Variants in GRM8 observed in about 807,000 individuals in gnomAD.
The protein encoded by GRM8 is metabotropic glutamate receptor 8.
In GRM8, 47 loss-of-function variants were observed where a neutral mutation model predicts 87.2. The observed-to-expected ratio is 0.54, with a 90% CI of 0.43 to 0.69. The LOEUF is 0.69. GRM8 is among the 30% of genes least tolerant of loss of function. The probability of loss-of-function intolerance (pLI) is 0.00; values close to 1 mark genes in which losing one functional copy is unlikely to be tolerated. For synonymous variants in GRM8, 396 were observed against 404.5 expected (o/e 0.98, Z 0.25); for missense variants, 1,019 against 1,139.2 (o/e 0.89, Z 1.52).
Position 126,627,187 on chromosome 7 carries a change from G to C in GRM8, c.1358-17689C>G, listed in dbSNP as rs549404792. Among the ~76,000 whole-genome samples, 283 of 152,144 alleles carry C rather than the reference G, an allele frequency of 1.9e-3. 1 individual carries two copies. The highest frequency in any genetic ancestry group is 6.4e-3 in the African/African-American group (267 of 41,500). On this transcript the variant is annotated intron_variant, in intron 7 of 10. Transcript: ENST00000339582. ...ATACAAAATGCAGCTAACTTTTTCT[G>C]TATCAGTCTTATAGCTAGCTCAGTG...
At chr7:126,950,581 T>C (rs963650195) in intron 3 of GRM8, among the ~76,000 whole-genome samples, 3 of 152,078 alleles carry the variant, frequency 2.0e-5, no homozygotes, top group African/African-American at 7.2e-5. Flanking sequence ...AACCAAAGCA[T>C]CAAAAACTTC....
intron 6 of GRM8, among the ~76,000 whole-genome samples, chr7:126,781,251 A>G (rs1379325100): frequency 6.6e-6 from 1 of 152,180 alleles, no homozygotes; most frequent in Non-Finnish European, 1.5e-5. Flanking sequence ...TGCACCTCCT[A>G]AAAATTGTAT....
chr7:127,153,053 A>G (rs1203726841), intron 2 of GRM8, among the ~76,000 whole-genome samples: 2 of 152,134 alleles, frequency 1.3e-5, no homozygotes, highest in Non-Finnish European at 2.9e-5. Context: ...TAGTCACAAG[A>G]CCATAACCCA....
intron 3 of GRM8, among the ~76,000 whole-genome samples, chr7:126,957,951 A>G (rs966048309): frequency 1.3e-5 from 2 of 152,138 alleles, no homozygotes; most frequent in African/African-American, 4.8e-5. Context: ...CCATGGACCA[A>G]CCAGCACACA....
chr7:127,055,435 G>T (rs1458734412), intron 3 of GRM8, among the ~76,000 whole-genome samples: 2 of 152,124 alleles, frequency 1.3e-5, no homozygotes, highest in African/African-American at 2.4e-5. Context: ...TGGGTAGAGG[G>T]ACAAAAGGCT....
At position 126,438,707 on chromosome 7, in the gene GRM8, C is replaced by T. The variant is rs1801119765; in HGVS notation, c.*412G>A. 1 of 158,890 alleles carries T rather than the reference C, an allele frequency of 6.3e-6. No homozygotes were observed. Among genetic ancestry groups the T allele is most frequent in the Non-Finnish European group, 1.4e-5 (1 of 72,256 alleles). The allele number at this position is 158,890 out of a possible 1,614,324, so 9.8% of individuals were successfully genotyped here. A position where few individuals can be genotyped will look rare whatever the true frequency, so the allele number is the denominator to read the frequency against. On this transcript the variant is annotated 3_prime_UTR_variant, in exon 11 of 11. Transcript: ENST00000339582. ...GCACAACCCAGGGCTTCAATCTGGTCAGCCATTACAAGAAACAGACTCATT... is the reference window on the plus strand; with the variant it reads ...GCACAACCCAGGGCTTCAATCTGGTTAGCCATTACAAGAAACAGACTCATT...
intron 7 of GRM8, among the ~76,000 whole-genome samples, chr7:126,740,347 G>T (rs1162188245): frequency 6.6e-6 from 1 of 152,032 alleles, no homozygotes; most frequent in Non-Finnish European, 1.5e-5. Flanking sequence ...TTCCCTAGGA[G>T]ATAACTTGTA....
intron 2 of GRM8, among the ~76,000 whole-genome samples, chr7:127,175,251 A>C (rs1794034603): frequency 6.6e-6 from 1 of 152,218 alleles, no homozygotes; most frequent in Non-Finnish European, 1.5e-5. Context: ...TGGACTCCTC[A>C]GTAGACTGAA....
intron 3 of GRM8, among the ~76,000 whole-genome samples, chr7:126,935,722 G>A (rs80236830): frequency 3.0e-4 from 46 of 152,320 alleles, no homozygotes; most frequent in African/African-American, 9.4e-4. Context: ...AGATGACAAG[G>A]AAATTGCTTA....
intron 3 of GRM8, among the ~76,000 whole-genome samples, chr7:126,935,879 A>C (rs1174753606): frequency 6.6e-6 from 1 of 152,158 alleles, no homozygotes; most frequent in East Asian, 1.9e-4. Context: ...CTTGTTCCTC[A>C]ATATAAACTC....
At chr7:127,205,428 G>T (rs114519608) in intron 2 of GRM8, among the ~76,000 whole-genome samples, 1 of 152,048 alleles carries the variant, frequency 6.6e-6, no homozygotes, top group Non-Finnish European at 1.5e-5. Context: ...CCAATTTGAG[G>T]GCACTATCAG....
intron 6 of GRM8, among the ~76,000 whole-genome samples, chr7:126,853,508 C>A (rs761141133): frequency 3.3e-5 from 5 of 152,086 alleles, no homozygotes; most frequent in Admixed American, 6.6e-5. Flanking sequence ...AGGACTCTTC[C>A]TGGACCCAGA....
intron 3 of GRM8, among the ~76,000 whole-genome samples, chr7:126,942,197 A>G (rs148680311): frequency 6.6e-6 from 1 of 152,348 alleles, no homozygotes; most frequent in East Asian, 1.9e-4. Context: ...ATGGAAGGCC[A>G]TCGTTACTAT....
intron 2 of GRM8, among the ~76,000 whole-genome samples, chr7:127,148,182 G>A (rs894220903): frequency 5.9e-5 from 9 of 151,940 alleles, no homozygotes; most frequent in African/African-American, 2.2e-4. Flanking sequence ...CAACAGAGTC[G>A]ATTCAGGTAT....
At position 127,161,810 on chromosome 7, in the gene GRM8, AG is replaced by A. The variant is rs962629017; in HGVS notation, c.511-55099del. 5.9e-5 allele frequency among the ~76,000 whole-genome samples: 9 copies of A among 152,302 alleles called. No individual in the cohort carries two copies. In the South Asian group the frequency reaches 1.0e-3, roughly 18 times the overall value. ...AATATATGTATAAAAAAAGATTTAAAGGGTGCATCAGCAGAAACACACACTA... is the reference window on the plus strand; with the variant it reads ...AATATATGTATAAAAAAAGATTTAAAGGTGCATCAGCAGAAACACACACTA... On this transcript the variant is annotated intron_variant, in intron 2 of 10. Coordinates refer to ENST00000339582, the MANE Select transcript of GRM8 (RefSeq NM_000845.3).
chr7:127,085,542 G>A lies in GRM8; in HGVS notation c.727+20954C>T, dbSNP rs1468158275. 3.3e-5 allele frequency among the ~76,000 whole-genome samples: 5 copies of A among 152,176 alleles called. No homozygotes were observed. The East Asian group carries it at 7.7e-4, about 23-fold the overall frequency. ...TGGTATCTCATTGTGGTTTTGATTT[G>A]CATTTCTCTGATGACCAGTGATGAT... On this transcript the variant is annotated intron_variant, in intron 3 of 10. Coordinates refer to ENST00000339582, the MANE Select transcript of GRM8 (RefSeq NM_000845.3).
intron 2 of GRM8, among the ~76,000 whole-genome samples, chr7:127,150,191 A>T (rs1828777582): frequency 6.6e-6 from 1 of 152,094 alleles, no homozygotes; most frequent in South Asian, 2.1e-4. Context: ...CCCTTGCCTC[A>T]ATGAAACAGG....
intron 8 of GRM8, among the ~76,000 whole-genome samples, chr7:126,571,866 G>T (rs527520103): frequency 1.3e-5 from 2 of 151,402 alleles, no homozygotes; most frequent in African/African-American, 4.9e-5. Context: ...TCAGCCTCCC[G>T]AGTAGCTGGG....
rs1361548467 is a variant in GRM8 at position 126,993,443 on chromosome 7, C to G, written c.728-88760G>C. On this transcript the variant is annotated intron_variant, in intron 3 of 10. Coordinates refer to ENST00000339582, the MANE Select transcript of GRM8 (RefSeq NM_000845.3). ...GAGCAAGATGGCCAAATAAAAGTCT[C>G]CACAAATTGTCTCACCTAAAAGGAA... is the stretch of plus-strand genomic sequence containing the variant. Among the ~76,000 whole-genome samples the G allele has an allele frequency of 2.0e-5, 3 of 152,088 alleles. No individual in the cohort carries two copies. In the East Asian group the frequency reaches 5.8e-4, roughly 29 times the overall value.
Sources: allele counts gnomAD v4.1 joint callset (sites outside exome capture counted in the v4.1 genomes callset), GRCh38; gene constraint gnomAD v4.1.1; transcripts MANE v1.5; gene names NCBI Gene and HGNC (gene_info 2026-07-23, HGNC 2026-07-21).